The following APOA1 variants were observed in gnomAD, a reference collection of about 807,000 sequenced individuals.
APOA1 encodes apolipoprotein A1.
A neutral mutation model predicts 25.9 loss-of-function variants in APOA1; 22 were observed. The ratio of observed to expected loss-of-function variants is 0.85; its 90% CI spans 0.61 to 1.21. The LOEUF (loss-of-function observed/expected upper bound fraction) is 1.21. APOA1 is among the 50% of genes most tolerant of loss of function. APOA1 has a pLI of 0.00. For synonymous variants in APOA1, 163 were observed against 152.2 expected, an observed-to-expected ratio of 1.07 and a Z score of -0.52; for missense variants, 351 against 347.9, an observed-to-expected ratio of 1.01 and a Z score of -0.07.
intron 3 of APOA1, 76 bp downstream of exon 3, chr11:116,836,925 G>T: frequency 6.6e-7 from 1 of 1,519,244 alleles, no homozygotes. Flanking sequence ...GTGAGGACTC[G>T]GCCAGTCTGG....
In APOA1 at chr11:116,836,371, A is replaced by T. The variant is rs777403379; in HGVS notation, c.241T>A (p.Phe81Ile). The change falls in exon 4 of 4, where the codon TTC becomes ATC. Residue 81 changes from phenylalanine (F) to isoleucine (I), a missense_variant. Transcript: ENST00000236850. ...LDNWDSVTST[F>I]SKLREQLGPV... ...CCGAGCTGTTCGCGCAGCTTGCTGA[A>T]GGTGGAGGTCACGCTGTCCCAGTTG... is the stretch of plus-strand genomic sequence containing the variant. 6.2e-7 allele frequency: 1 copy of T among 1,614,090 alleles called. No homozygotes were observed. The highest frequency in any genetic ancestry group is 8.5e-7 in the Non-Finnish European group (1 of 1,180,028).
chr11:116,836,084 C>G lies in APOA1; in HGVS notation c.528G>C (p.Ala176=). The stretch of plus-strand genomic sequence containing the variant: ...TGCGCAGCGCGTCCACATGGGCGCG[C>G]GCGCGGTCGCGCATCTCCTCGCCCA... ...SPLGEEMRDR[A]RAHVDALRTH... is the part of the protein sequence containing the mutation. Residue 176 remains alanine (A), a synonymous_variant, in exon 4 of 4, where the codon GCG becomes GCC. Transcript: ENST00000236850. 6.2e-7 allele frequency: 1 copy of G among 1,606,324 alleles called. No homozygotes were observed. The highest frequency in any genetic ancestry group is 8.5e-7 in the Non-Finnish European group (1 of 1,178,268).
In APOA1 at chr11:116,836,361, A is replaced by C. The variant is rs121912724; in HGVS notation, c.251T>G (p.Leu84Arg). Residue 84 changes from leucine (L) to arginine (R), a missense_variant, in exon 4 of 4, where the codon CTG (leucine) becomes CGG (arginine). Coordinates refer to ENST00000236850, the MANE Select transcript of APOA1 (RefSeq NM_000039.3). ...GGTCACAGGGCCGAGCTGTTCGCGC[A>C]GCTTGCTGAAGGTGGAGGTCACGCT... ...WDSVTSTFSK[L>R]REQLGPVTQE... 6.2e-7 allele frequency: 1 copy of C among 1,614,124 alleles called. No individual in the cohort carries two copies. Among genetic ancestry groups the C allele is most frequent in the Non-Finnish European group, 8.5e-7 (1 of 1,180,042 alleles).
At chr11:116,836,980 A>C (rs2134232736) in intron 3 of APOA1, 21 bp downstream of exon 3, 1 of 1,613,696 alleles carries the variant, frequency 6.2e-7, no homozygotes, top group African/African-American at 1.3e-5. Context: ...CCCTGCCCTC[A>C]ACCCCAGGCT....
rs1370265530 is a variant in APOA1, at chr11:116,836,045, G to A, written c.567C>T (p.Pro189=). 2 of 1,606,106 alleles carry A rather than the reference G, an allele frequency of 1.2e-6. No homozygotes were observed. Among genetic ancestry groups the A allele is most frequent in the South Asian group, 2.2e-5 (2 of 90,968 alleles). Reference sequence around the variant, plus strand: ...AGCGCTGGCGCAGCTCGTCGCTGTAGGGGGCCAGATGCGTGCGCAGCGCGT... The same window carrying A: ...AGCGCTGGCGCAGCTCGTCGCTGTAAGGGGCCAGATGCGTGCGCAGCGCGT... The part of the protein sequence containing the change: ...HVDALRTHLA[P]YSDELRQRLA... The change falls in exon 4 of 4, where the codon CCC becomes CCT. Residue 189 remains proline, a synonymous_variant. Coordinates refer to ENST00000236850, the MANE Select transcript of APOA1 (RefSeq NM_000039.3).
In APOA1 at chr11:116,836,429, A is replaced by C; in HGVS notation, c.201-18T>G. The C allele has an allele frequency of 6.2e-7, 1 of 1,612,928 alleles. No individual in the cohort carries two copies. Among genetic ancestry groups the C allele is most frequent in the Admixed American group, 1.7e-5 (1 of 59,996 alleles). ...GCTTTAGGCTGGAGGGTGAGACAGA[A>C]GGGTTGAGGGCTGGCCTCCCAGCGC... is the stretch of plus-strand genomic sequence containing the variant. On this transcript the variant is annotated intron_variant, in intron 3 of 3. Transcript: ENST00000236850.
At chr11:116,837,526 A>G in intron 1 of APOA1, 79 bp downstream of exon 1, 1 of 1,090,620 alleles carries the variant, frequency 9.2e-7, no homozygotes, top group Non-Finnish European at 1.4e-6. Context: ...GACCTCAGGT[A>G]CCCAGAGGCC....
chr11:116,836,988 G>T lies in APOA1; in HGVS notation c.200+13C>A, dbSNP rs768251572. 1 of 1,613,882 alleles carries T rather than the reference G, an allele frequency of 6.2e-7. No homozygotes were observed. The highest frequency in any genetic ancestry group is 8.5e-7 in the Non-Finnish European group (1 of 1,179,990). ...CCCCTACCCCTGCCCTCAACCCCAGGCTGGGTCCTTACTTTAGCTGTTTTC... is the reference window on the plus strand; with the variant it reads ...CCCCTACCCCTGCCCTCAACCCCAGTCTGGGTCCTTACTTTAGCTGTTTTC... On this transcript the variant is annotated intron_variant, in intron 3 of 3. Transcript: ENST00000236850.
chr11:116,837,488 G>T, intron 1 of APOA1, 81 bp from the exon 2 acceptor site: 2 of 1,407,368 alleles, frequency 1.4e-6, no homozygotes, highest in Non-Finnish European at 2.0e-6. Flanking sequence ...TTGCAGCCAG[G>T]TGAGGAGAAG....
rs387906570 is a variant in APOA1, at chr11:116,837,134, G to T, written c.67C>A (p.Gln23Lys). 6.2e-7 allele frequency: 1 copy of T among 1,612,920 alleles called. No individual in the cohort carries two copies. Among genetic ancestry groups the T allele is most frequent in the Non-Finnish European group, 8.5e-7 (1 of 1,179,270 alleles). Residue 23 changes from glutamine (Q) to lysine (K), a missense_variant, in exon 3 of 4, where the codon CAG becomes AAG. By Grantham distance (53) the Gln-to-Lys change is moderately conservative. Coordinates refer to ENST00000236850, the MANE Select transcript of APOA1 (RefSeq NM_000039.3). ...LTGSQARHFW[Q>K]QDEPPQSPWD... ...GGGCTCTGGGGGGGTTCATCTTGCT[G>T]CCAGAAATGCCGAGCCTGGCTCCCT...
Position 116,836,225 on chromosome 11 carries a change from C to G in APOA1, c.387G>C (p.Gln129His), listed in dbSNP as rs1476439464. 6.2e-7 allele frequency: 1 copy of G among 1,614,024 alleles called. No homozygotes were observed. The highest frequency in any genetic ancestry group is 2.2e-5 in the East Asian group (1 of 44,890). The change falls in exon 4 of 4, where the codon CAG becomes CAC. Residue 129 changes from glutamine (Q) to histidine (H), a missense_variant. Physicochemically the swap from Gln to His is conservative, Grantham distance 24 (BLOSUM62 0). Transcript: ENST00000236850. ...AKVQPYLDDF[Q>H]KKWQEEMELY... Reference sequence around the variant, plus strand: ...GCTCCATCTCCTCCTGCCACTTCTTCTGGAAGTCGTCCAGGTAGGGCTGCA... The same window carrying G: ...GCTCCATCTCCTCCTGCCACTTCTTGTGGAAGTCGTCCAGGTAGGGCTGCA...
intron 3 of APOA1, among the ~76,000 whole-genome samples, 172 bp downstream of exon 3, chr11:116,836,829 G>A (rs1030635570): frequency 3.3e-5 from 5 of 152,220 alleles, no homozygotes; most frequent in African/African-American, 9.7e-5. Context: ...TCCTTTGCAG[G>A]GGACATGGGC....
intron 2 of APOA1, 56 bp from the exon 3 acceptor site, chr11:116,837,213 G>C: frequency 6.2e-7 from 1 of 1,606,030 alleles, no homozygotes; most frequent in Non-Finnish European, 8.5e-7. Context: ...GATCTGAGCC[G>C]AAAGGCCAAG....
chr11:116,837,100 C>A lies in APOA1; in HGVS notation c.101G>T (p.Arg34Leu), dbSNP rs28929476. Residue 34 changes from arginine (R) to leucine (L), a missense_variant, in exon 3 of 4, where the codon CGA (arginine) becomes CTA (leucine). Transcript: ENST00000236850. ...GTACACAGTGGCCAGGTCCTTCACTCGATCCCAGGGGCTCTGGGGGGGTTC... is the reference window on the plus strand; with the variant it reads ...GTACACAGTGGCCAGGTCCTTCACTAGATCCCAGGGGCTCTGGGGGGGTTC... Reference protein sequence around the residue: ...QDEPPQSPWDRVKDLATVYVD... With the variant: ...QDEPPQSPWDLVKDLATVYVD... The A allele has an allele frequency of 3.1e-6, 5 of 1,613,950 alleles. No homozygotes were observed. Among genetic ancestry groups the A allele is most frequent in the Non-Finnish European group, 4.2e-6 (5 of 1,180,020 alleles).
intron 3 of APOA1, 36 bp downstream of exon 3, chr11:116,836,965 C>T (rs369694742): frequency 1.9e-6 from 3 of 1,611,382 alleles, no homozygotes; most frequent in Non-Finnish European, 2.5e-6. Context: ...GCCTCTGCCC[C>T]CTACCCCTGC....
chr11:116,836,957 C>T, intron 3 of APOA1, 44 bp downstream of exon 3: 3 of 1,608,080 alleles, frequency 1.9e-6, no homozygotes, highest in Non-Finnish European at 2.6e-6. Context: ...TCCCACAGGC[C>T]TCTGCCCCCT....
chr11:116,836,536 A>G (rs1221641450), intron 3 of APOA1, 125 bp from the exon 4 acceptor site: 1 of 1,301,610 alleles, frequency 7.7e-7, no homozygotes, highest in African/African-American at 1.5e-5. Context: ...ACTCTCAACC[A>G]ACACCCCTGC....
rs887877392 is a variant in APOA1, at chr11:116,836,051, C to G, written c.561G>C (p.Leu187=). 3 of 1,605,450 alleles carry G rather than the reference C, an allele frequency of 1.9e-6. No homozygotes were observed. Among genetic ancestry groups the G allele is most frequent in the South Asian group, 1.1e-5 (1 of 90,954 alleles). ...RAHVDALRTH[L]APYSDELRQR... is the part of the protein sequence containing the mutation. ...GGCGCAGCTCGTCGCTGTAGGGGGC[C>G]AGATGCGTGCGCAGCGCGTCCACAT... The change falls in exon 4 of 4, where the codon CTG becomes CTC. Residue 187 remains leucine (L), a synonymous_variant. Transcript: ENST00000236850.
chr11:116,837,213 G>T (rs367596224), intron 2 of APOA1, 56 bp from the exon 3 acceptor site: 43 of 1,605,914 alleles, frequency 2.7e-5, no homozygotes, highest in Middle Eastern at 1.7e-4. Context: ...GATCTGAGCC[G>T]AAAGGCCAAG....
Sources: allele counts gnomAD v4.1 joint callset (sites outside exome capture counted in the v4.1 genomes callset), GRCh38; gene constraint gnomAD v4.1.1; transcripts MANE v1.5; gene names NCBI Gene and HGNC (gene_info 2026-07-23, HGNC 2026-07-21).